The following CADM2 variants were observed in gnomAD, a reference collection of about 807,000 sequenced individuals.
CADM2 encodes the protein cell adhesion molecule 2.
A neutral mutation model predicts 49.8 loss-of-function variants in CADM2; 12 were observed. The observed-to-expected ratio is 0.24, with a 90% CI of 0.15 to 0.39. CADM2 has a LOEUF of 0.39. CADM2 is among the 10% of genes least tolerant of loss of function. The pLI is 1.00. For missense variants in CADM2, 378 were observed against 492.3 expected (o/e 0.77, Z 2.20); for synonymous variants, 214 against 175.4 (o/e 1.22, Z -1.74).
chr3:85,276,973 T>A (rs1318419372), intron 1 of CADM2, among the ~76,000 whole-genome samples: 1 of 151,340 alleles, frequency 6.6e-6, no homozygotes, highest in East Asian at 1.9e-4. Flanking sequence ...TTGAAAAAAA[T>A]TTAATATGGT....
In CADM2 at chr3:86,073,980, C is replaced by T. The variant is rs561568570; in HGVS notation, c.*7197C>T. On this transcript the variant is annotated 3_prime_UTR_variant, in exon 10 of 10. Coordinates refer to ENST00000383699, the MANE Select transcript of CADM2 (RefSeq NM_001167675.2). ...ATATATGAACCTTGTAAAGTGATGA[C>T]TAAGGGTCAAAAAAAATGTTGCTGA... 6.6e-6 allele frequency: 1 copy of T among 151,928 alleles called. No individual in the cohort carries two copies. The highest frequency in any genetic ancestry group is 1.5e-5 in the Non-Finnish European group (1 of 67,834). The allele number at this position is 151,928 out of a possible 1,614,324, so 9.4% of individuals were successfully genotyped here. A position where few individuals can be genotyped will look rare whatever the true frequency, so the allele number is the denominator to read the frequency against.
chr3:85,180,328 G>T (rs1157519564), intron 1 of CADM2, among the ~76,000 whole-genome samples: 1 of 151,658 alleles, frequency 6.6e-6, no homozygotes, highest in Non-Finnish European at 1.5e-5. Context: ...GGGCAATGTG[G>T]CGAAACCCTA....
chr3:85,520,496 C>T (rs1275474179), intron 1 of CADM2, among the ~76,000 whole-genome samples: 6 of 151,902 alleles, frequency 3.9e-5, no homozygotes, highest in Admixed American at 3.9e-4. Flanking sequence ...TTACTCTGTG[C>T]CATGTACTGT....
intron 1 of CADM2, among the ~76,000 whole-genome samples, chr3:85,351,417 G>C (rs1456685543): frequency 6.6e-6 from 1 of 152,172 alleles, no homozygotes; most frequent in Non-Finnish European, 1.5e-5. Flanking sequence ...TGCTTCTTCA[G>C]AATGTTAAAT....
At chr3:85,397,097 G>A (rs959470328) in intron 1 of CADM2, among the ~76,000 whole-genome samples, 1 of 151,946 alleles carries the variant, frequency 6.6e-6, no homozygotes, top group Admixed American at 6.6e-5. Flanking sequence ...ATGGGAAAAA[G>A]ACTTTAAAGA....
intron 1 of CADM2, among the ~76,000 whole-genome samples, chr3:85,586,617 A>G (rs1397882563): frequency 6.6e-6 from 1 of 152,126 alleles, no homozygotes; most frequent in African/African-American, 2.4e-5. Flanking sequence ...TAAAATACAA[A>G]CAGATGTGGC....
chr3:85,403,178 GA>G (rs1223332508), intron 1 of CADM2, among the ~76,000 whole-genome samples: 1 of 152,078 alleles, frequency 6.6e-6, no homozygotes, highest in Non-Finnish European at 1.5e-5. Context: ...AGACCCACTA[GA>G]ATTTAACTAT....
intron 1 of CADM2, among the ~76,000 whole-genome samples, chr3:85,644,515 CT>C (rs576869740): frequency 6.3e-4 from 96 of 152,242 alleles, no homozygotes; most frequent in African/African-American, 2.2e-3. Context: ...GAGAAGAGAA[CT>C]TTCTGCCCGG....
chr3:85,048,906 G>A lies in CADM2; in HGVS notation c.61+89238G>A, dbSNP rs553360580. 3.8e-4 allele frequency among the ~76,000 whole-genome samples: 58 copies of A among 152,190 alleles called. 1 individual carries two copies. The highest frequency in any genetic ancestry group is 6.8e-3 in the Middle Eastern group (2 of 294). On this transcript the variant is annotated intron_variant, in intron 1 of 9. Transcript: ENST00000383699. Reference sequence around the variant, plus strand: ...TCTTGGGCATAAAATAAATCAGCAAGAAGTAGTATTCAGAGGGAAAATGGA... The same window carrying A: ...TCTTGGGCATAAAATAAATCAGCAAAAAGTAGTATTCAGAGGGAAAATGGA...
At chr3:85,065,664 TG>T (rs1312852045) in intron 1 of CADM2, among the ~76,000 whole-genome samples, 2 of 152,204 alleles carry the variant, frequency 1.3e-5, no homozygotes, top group African/African-American at 4.8e-5. Context: ...GAATAAAGAC[TG>T]ATCTTAAAGT....
rs1724449109 is a variant in CADM2 at position 85,959,027 on chromosome 3, A to AATAT, written c.792-2440_792-2439insATAT. On this transcript the variant is annotated intron_variant, in intron 7 of 9. Coordinates refer to ENST00000383699, the MANE Select transcript of CADM2 (RefSeq NM_001167675.2). ...TGTTTCGTGGAACTTAAATTAAAAA[A>AATAT]ATCTATATCTATATCTATATATCTA... Among the ~76,000 whole-genome samples the AATAT allele has an allele frequency of 2.2e-5, 3 of 138,908 alleles. No homozygotes were observed. In the South Asian group the frequency reaches 6.8e-4, roughly 32 times the overall value. The allele number at this position is 138,908 out of a possible 152,430, so 91.1% of individuals were successfully genotyped here.
intron 1 of CADM2, among the ~76,000 whole-genome samples, chr3:85,052,015 G>T (rs1463977151): frequency 2.0e-5 from 3 of 152,086 alleles, no homozygotes; most frequent in South Asian, 4.1e-4. Flanking sequence ...AACCAAATCT[G>T]GAATTTCACA....
intron 1 of CADM2, among the ~76,000 whole-genome samples, chr3:85,683,135 A>G (rs1465030782): frequency 1.3e-5 from 2 of 152,110 alleles, no homozygotes; most frequent in African/African-American, 4.8e-5. Flanking sequence ...CACCTAGATA[A>G]TAAGTATATG....
chr3:85,827,814 T>C (rs1559686029), intron 3 of CADM2, among the ~76,000 whole-genome samples: 1 of 151,988 alleles, frequency 6.6e-6, no homozygotes, highest in Non-Finnish European at 1.5e-5. Flanking sequence ...TCAAAGTGAA[T>C]GATTCAGGTC....
chr3:85,576,376 A>G (rs2062633735), intron 1 of CADM2, among the ~76,000 whole-genome samples: 1 of 152,148 alleles, frequency 6.6e-6, no homozygotes, highest in Non-Finnish European at 1.5e-5. Flanking sequence ...AACAAAGAAC[A>G]TCCGACGATT....
chr3:85,131,049 T>C (rs1328438494), intron 1 of CADM2, among the ~76,000 whole-genome samples: 3 of 151,964 alleles, frequency 2.0e-5, no homozygotes, highest in Non-Finnish European at 2.9e-5. Context: ...GGGCGTGGCA[T>C]GCGCCTGTAA....
chr3:84,985,699 A>G (rs2032513324), intron 1 of CADM2, among the ~76,000 whole-genome samples: 1 of 152,162 alleles, frequency 6.6e-6, no homozygotes, highest in Admixed American at 6.5e-5. Context: ...AATGTCACTA[A>G]AAGCAAGCTT....
intron 5 of CADM2, among the ~76,000 whole-genome samples, chr3:85,887,903 A>C (rs1263604757): frequency 1.3e-5 from 2 of 152,156 alleles, no homozygotes; most frequent in Non-Finnish European, 2.9e-5. Flanking sequence ...AAGCATTTCT[A>C]ATGGAAAGCC....
intron 1 of CADM2, among the ~76,000 whole-genome samples, chr3:85,331,006 T>C (rs1489287962): frequency 6.6e-6 from 1 of 152,130 alleles, no homozygotes; most frequent in Admixed American, 6.6e-5. Context: ...TTTATGGATA[T>C]ATAATAGCTG....
Sources: gnomAD v4.1 joint callset for allele counts (sites outside exome capture counted in the v4.1 genomes callset) on GRCh38, gnomAD v4.1.1 for gene constraint, MANE v1.5 for transcripts, NCBI Gene and HGNC (gene_info 2026-07-23, HGNC 2026-07-21) for gene names.